The following CADM1 variants were observed in gnomAD, a reference collection of about 807,000 sequenced individuals.
CADM1 encodes the protein cell adhesion molecule 1.
In CADM1, 15 loss-of-function variants were observed where a neutral mutation model predicts 53.1. That is an observed-to-expected ratio of 0.28 (90% CI 0.19 to 0.44). The LOEUF (loss-of-function observed/expected upper bound fraction) is 0.44, where lower values mean the gene tolerates loss of function less well. Ranked by LOEUF, CADM1 falls within the 20% of genes least tolerant of loss-of-function variation. The pLI is 1.00. For missense variants in CADM1, 434 were observed against 611.3 expected, an observed-to-expected ratio of 0.71 and a Z score of 3.06; for synonymous variants, 281 against 243.0, an observed-to-expected ratio of 1.16 and a Z score of -1.45.
chr11:115,411,185 T>C (rs926776777), intron 1 of CADM1, among the ~76,000 whole-genome samples: 2 of 152,134 alleles, frequency 1.3e-5, no homozygotes, highest in Admixed American at 6.6e-5. Context: ...CAAGGAAAAC[T>C]AGAGGATTTG....
intron 1 of CADM1, among the ~76,000 whole-genome samples, chr11:115,425,913 G>A (rs1378317624): frequency 3.9e-5 from 6 of 152,224 alleles, no homozygotes; most frequent in Middle Eastern, 3.4e-3. Context: ...CTTCACCTGT[G>A]GGCTTCAAAC....
At chr11:115,341,674 C>A (rs1450541183) in intron 1 of CADM1, among the ~76,000 whole-genome samples, 1 of 152,154 alleles carries the variant, frequency 6.6e-6, no homozygotes. Flanking sequence ...GGGAAACAAG[C>A]AAACTAAGCA....
intron 1 of CADM1, among the ~76,000 whole-genome samples, chr11:115,286,572 C>T (rs2135095811): frequency 6.6e-6 from 1 of 152,292 alleles, no homozygotes; most frequent in Non-Finnish European, 1.5e-5. Flanking sequence ...ATGGAAACCT[C>T]AGTAATATTT....
intron 10 of CADM1, among the ~76,000 whole-genome samples, chr11:115,184,356 T>C (rs1238785813): frequency 6.6e-6 from 1 of 152,224 alleles, no homozygotes; most frequent in Admixed American, 6.5e-5. Flanking sequence ...CTGAATGGCA[T>C]GCGCTGACAA....
chr11:115,256,131 T>C (rs1303490564), intron 1 of CADM1, among the ~76,000 whole-genome samples: 1 of 152,144 alleles, frequency 6.6e-6, no homozygotes, highest in Non-Finnish European at 1.5e-5. Context: ...AAATGAAAAC[T>C]GAAAAGAGGC....
chr11:115,456,835 G>A (rs958392145), intron 1 of CADM1, among the ~76,000 whole-genome samples: 1 of 152,112 alleles, frequency 6.6e-6, no homozygotes, highest in Non-Finnish European at 1.5e-5. Flanking sequence ...TTATATTAAT[G>A]TTAAGATTAG....
chr11:115,499,056 A>C (rs745612482), intron 1 of CADM1, among the ~76,000 whole-genome samples: 23 of 152,108 alleles, frequency 1.5e-4, no homozygotes, highest in Non-Finnish European at 2.4e-4. Flanking sequence ...AATCTGATCA[A>C]TGTAAAAAAA....
intron 1 of CADM1, among the ~76,000 whole-genome samples, chr11:115,326,191 T>C (rs1047763137): frequency 1.3e-5 from 2 of 152,196 alleles, no homozygotes; most frequent in Admixed American, 6.6e-5. Flanking sequence ...TAAAAGCAGC[T>C]AGATTATAGA....
chr11:115,270,203 A>G (rs1251106559), intron 1 of CADM1, among the ~76,000 whole-genome samples: 8 of 152,210 alleles, frequency 5.3e-5, no homozygotes, highest in African/African-American at 1.9e-4. Context: ...TCTAGATTTC[A>G]TATCAGACAC....
intron 1 of CADM1, among the ~76,000 whole-genome samples, chr11:115,401,526 T>C (rs1358501305): frequency 6.6e-6 from 1 of 152,140 alleles, no homozygotes; most frequent in Admixed American, 6.5e-5. Flanking sequence ...AAGAATCGCT[T>C]GAACCCGGGA....
intron 1 of CADM1, among the ~76,000 whole-genome samples, chr11:115,280,462 G>A (rs1373479089): frequency 2.0e-5 from 3 of 152,142 alleles, no homozygotes; most frequent in African/African-American, 7.2e-5. Context: ...GAAAAATGCT[G>A]GAATTTGTAT....
At chr11:115,188,773 G>T (rs368906612) in intron 10 of CADM1, among the ~76,000 whole-genome samples, 1 of 152,142 alleles carries the variant, frequency 6.6e-6, no homozygotes, top group East Asian at 1.9e-4. Context: ...ACAGAAATTT[G>T]AGAAGTTCAT....
chr11:115,265,344 A>G (rs1943105681), intron 1 of CADM1, among the ~76,000 whole-genome samples: 2 of 152,176 alleles, frequency 1.3e-5, no homozygotes, highest in South Asian at 4.1e-4. Context: ...TGCCTAGACC[A>G]GTATCTGGCC....
chr11:115,318,204 T>G (rs554873031), intron 1 of CADM1, among the ~76,000 whole-genome samples: 1 of 152,168 alleles, frequency 6.6e-6, no homozygotes, highest in Non-Finnish European at 1.5e-5. Context: ...AATGCATCAA[T>G]TCCCTTCCAT....
At chr11:115,423,233 C>T (rs73575108) in intron 1 of CADM1, among the ~76,000 whole-genome samples, 244 of 152,246 alleles carry the variant, frequency 1.6e-3, no homozygotes, top group African/African-American at 4.5e-3. Context: ...AATCACAGAA[C>T]ATGCATACAT....
chr11:115,329,068 C>T (rs977767842), intron 1 of CADM1, among the ~76,000 whole-genome samples: 2 of 151,884 alleles, frequency 1.3e-5, no homozygotes, highest in Non-Finnish European at 2.9e-5. Context: ...CACTTAACTA[C>T]TCTCAACATA....
At chr11:115,306,417 A>G (rs1383894210) in intron 1 of CADM1, among the ~76,000 whole-genome samples, 2 of 151,980 alleles carry the variant, frequency 1.3e-5, no homozygotes, top group African/African-American at 4.8e-5. Context: ...CATTTCTTAG[A>G]ATGTATCCCT....
chr11:115,303,161 A>G (rs1326940853), intron 1 of CADM1, among the ~76,000 whole-genome samples: 2 of 152,022 alleles, frequency 1.3e-5, no homozygotes, highest in African/African-American at 4.8e-5. Flanking sequence ...TCTTCTTAAT[A>G]ACCTTAAATC....
intron 1 of CADM1, among the ~76,000 whole-genome samples, chr11:115,456,978 C>A (rs960325024): frequency 1.3e-5 from 2 of 152,062 alleles, no homozygotes; most frequent in African/African-American, 4.8e-5. Flanking sequence ...AGGACAGGAA[C>A]CTCTGTCTTA....
Sources: gnomAD v4.1 joint callset for allele counts (sites outside exome capture counted in the v4.1 genomes callset) on GRCh38, gnomAD v4.1.1 for gene constraint, MANE v1.5 for transcripts, NCBI Gene and HGNC (gene_info 2026-07-23, HGNC 2026-07-21) for gene names.